Variants in GOLGA4 observed in about 807,000 individuals in gnomAD.
GOLGA4 encodes the protein golgin subfamily A member 4.
GOLGA4 carries 169 observed loss-of-function variants against 265.9 expected under a neutral mutation model. The ratio of observed to expected loss-of-function variants is 0.64; its 90% CI spans 0.56 to 0.72. The LOEUF is 0.72. Ranked by LOEUF, GOLGA4 falls within the 30% of genes least tolerant of loss-of-function variation. The pLI, the probability that GOLGA4 is intolerant of heterozygous loss-of-function variation, is 0.00. For synonymous variants in GOLGA4, 923 were observed against 855.8 expected (o/e 1.08, Z -1.37); for missense variants, 2,482 against 2,483.4 (o/e 1.00, Z 0.01).
At chr3:37,311,917 T>C (rs1247637297) in intron 10 of GOLGA4, among the ~76,000 whole-genome samples, 1 of 152,228 alleles carries the variant, frequency 6.6e-6, no homozygotes, top group African/African-American at 2.4e-5. Flanking sequence ...TTTTTTGTTG[T>C]TTGAAAAGGT....
chr3:37,344,492 CTTTT>C (rs56761489), intron 20 of GOLGA4, among the ~76,000 whole-genome samples: 6 of 118,204 alleles, frequency 5.1e-5, no homozygotes, highest in Admixed American at 3.6e-4. Flanking sequence ...ACCTCACTGT[CTTTT>C]TTTTTTTTTT....
intron 2 of GOLGA4, chr3:37,276,024 G>A: frequency 6.2e-7 from 1 of 1,612,922 alleles, no homozygotes; most frequent in Non-Finnish European, 8.5e-7. Flanking sequence ...ACTTCCAGCG[G>A]CAATGTAAGC....
chr3:37,349,124 A>G (rs2097065579), intron 21 of GOLGA4, among the ~76,000 whole-genome samples: 1 of 152,174 alleles, frequency 6.6e-6, no homozygotes, highest in Admixed American at 6.5e-5. Flanking sequence ...ATCACATTTT[A>G]TAGGCAAATA....
chr3:37,325,059 T>G lies in GOLGA4; in HGVS notation c.3173T>G (p.Leu1058Arg). Residue 1058 changes from leucine to arginine, a missense_variant, in exon 14 of 24, where the codon CTT (leucine) becomes CGT (arginine). This residue lies in a region of GOLGA4 where 1,536 missense variants were observed against 1,483.7 expected (regional missense o/e 1.04). Coordinates refer to ENST00000361924, the MANE Select transcript of GOLGA4 (RefSeq NM_002078.5). ...EKKLNQQAEE[L>R]QEIHEIQLQE... is the part of the protein sequence containing the mutation. ...AAACTTAATCAGCAAGCTGAAGAAC[T>G]TCAGGAAATACATGAAATCCAATTA... The G allele has an allele frequency of 6.2e-7, 1 of 1,612,872 alleles. No homozygotes were observed. Among genetic ancestry groups the G allele is most frequent in the Non-Finnish European group, 8.5e-7 (1 of 1,179,632 alleles).
chr3:37,348,607 C>T (rs2097063695), intron 21 of GOLGA4, among the ~76,000 whole-genome samples: 1 of 151,912 alleles, frequency 6.6e-6, no homozygotes, highest in African/African-American at 2.4e-5. Flanking sequence ...TTAAAGTTAC[C>T]TTGTTATTGT....
chr3:37,293,144 C>G (rs1441994436), intron 5 of GOLGA4, among the ~76,000 whole-genome samples: 1 of 152,140 alleles, frequency 6.6e-6, no homozygotes, highest in Non-Finnish European at 1.5e-5. Context: ...TAGAGGAGGA[C>G]TTGAGGTAAG....
chr3:37,302,266 CG>C lies in GOLGA4; in HGVS notation c.1169del (p.Arg390ProfsTer5). The part of the protein sequence containing the change: ...KEEEIAQLRS[R>X]IKQMTTQGEE... ...AGAAGAAATTGCTCAACTCCGTAGT[CG>C]CATCAAACAGATGACTACCCAGGGA... On this transcript the variant is annotated frameshift_variant, in exon 10 of 24. Transcript: ENST00000361924. LOFTEE classifies it high-confidence loss of function. 1.2e-6 allele frequency: 2 copies of C among 1,612,664 alleles called. No homozygotes were observed. The highest frequency in any genetic ancestry group is 2.2e-5 in the East Asian group (1 of 44,856).
At position 37,324,349 on chromosome 3, in the gene GOLGA4, G is replaced by C. The variant is rs1232791551; in HGVS notation, c.2463G>C (p.Leu821Phe). The C allele has an allele frequency of 4.3e-6, 7 of 1,614,038 alleles. No individual in the cohort carries two copies. The highest frequency in any genetic ancestry group is 4.5e-5 in the East Asian group (2 of 44,896). The change falls in exon 14 of 24, where the codon TTG becomes TTC. Residue 821 changes from leucine (L) to phenylalanine (F), a missense_variant. Around this residue, in one of 3 missense-constraint regions of GOLGA4, gnomAD observed 1,536 missense variants for 1,483.7 expected, o/e 1.04. Coordinates refer to ENST00000361924, the MANE Select transcript of GOLGA4 (RefSeq NM_002078.5). The part of the protein sequence containing the change: ...HEQTKAYEEQ[L>F]AQLQQKLLDL... Reference sequence around the variant, plus strand: ...AGACAAAAGCATATGAGGAACAGTTGGCCCAATTGCAGCAGAAGTTGTTGG... The same window carrying C: ...AGACAAAAGCATATGAGGAACAGTTCGCCCAATTGCAGCAGAAGTTGTTGG...
At position 37,326,930 on chromosome 3, in the gene GOLGA4, C is replaced by G. The variant is rs774529647; in HGVS notation, c.5044C>G (p.Gln1682Glu). The G allele has an allele frequency of 6.2e-7, 1 of 1,613,662 alleles. No homozygotes were observed. The highest frequency in any genetic ancestry group is 2.2e-5 in the East Asian group (1 of 44,854). Reference sequence around the variant, plus strand: ...TTTGAGTGAGCTAAATACAAAATTGCAGGAAAGAGAAAGGGAAGTTCACAT... The same window carrying G: ...TTTGAGTGAGCTAAATACAAAATTGGAGGAAAGAGAAAGGGAAGTTCACAT... ...SHLSELNTKL[Q>E]EREREVHILE... The change falls in exon 14 of 24, where the codon CAG becomes GAG. Residue 1682 changes from glutamine (Q) to glutamate (E), a missense_variant. By Grantham distance (29) the Gln-to-Glu change is conservative. This residue lies in a region of GOLGA4 where 942 missense variants were observed against 983.1 expected (regional missense o/e 0.96). Transcript: ENST00000361924.
chr3:37,285,193 G>T (rs1322804982), intron 3 of GOLGA4, among the ~76,000 whole-genome samples: 1 of 145,292 alleles, frequency 6.9e-6, no homozygotes, highest in Non-Finnish European at 1.5e-5. Context: ...TAGAGACAAG[G>T]TCTCACTAAA....
intron 18 of GOLGA4, 34 bp downstream of exon 18, chr3:37,337,197 T>C (rs776487668): frequency 1.1e-5 from 13 of 1,181,254 alleles, no homozygotes; most frequent in Middle Eastern, 2.6e-4. Context: ...TTTTTTCTTT[T>C]TTTTCTTTGA....
At chr3:37,246,115 C>T (rs1476264861) in intron 1 of GOLGA4, among the ~76,000 whole-genome samples, 1 of 151,772 alleles carries the variant, frequency 6.6e-6, no homozygotes, top group East Asian at 2.0e-4. Flanking sequence ...CTTTGGGAGG[C>T]CAAGGCGGGC....
At chr3:37,331,394 C>G (rs2150986570) in intron 16 of GOLGA4, among the ~76,000 whole-genome samples, 1 of 152,124 alleles carries the variant, frequency 6.6e-6, no homozygotes, top group East Asian at 1.9e-4. Context: ...ATAGCCAGTC[C>G]CCATCCAGAC....
rs189169271 is a variant in GOLGA4 at position 37,366,181 on chromosome 3, G to C, written c.*135G>C. On this transcript the variant is annotated 3_prime_UTR_variant, in exon 24 of 24. Transcript: ENST00000361924. Reference sequence around the variant, plus strand: ...TCTTTGAGAATGAAGTTGTCATTCAGGGCCCCTCATGTAGCCAAAAGACCA... The same window carrying C: ...TCTTTGAGAATGAAGTTGTCATTCACGGCCCCTCATGTAGCCAAAAGACCA... The C allele has an allele frequency of 1.2e-3, 1,476 of 1,197,614 alleles. 4 individuals carry two copies. The highest frequency in any genetic ancestry group is 2.3e-3 in the South Asian group (144 of 62,856). 74.2% of individuals were successfully genotyped at this position (1,197,614 alleles called of 1,614,324 possible). A position where few individuals can be genotyped will look rare whatever the true frequency, so the allele number is the denominator to read the frequency against.
At chr3:37,365,222 G>A (rs775790141) in intron 23 of GOLGA4, among the ~76,000 whole-genome samples, 11 of 152,054 alleles carry the variant, frequency 7.2e-5, no homozygotes, top group Admixed American at 1.3e-4. Context: ...GCAATTTGTA[G>A]AATAATCAGC....
At chr3:37,294,202 C>A (rs756554281) in intron 5 of GOLGA4, among the ~76,000 whole-genome samples, 1 of 152,076 alleles carries the variant, frequency 6.6e-6, no homozygotes, top group Non-Finnish European at 1.5e-5. Flanking sequence ...ATTGCAGGAA[C>A]TAGAAATTTC....
chr3:37,361,635 T>G (rs1329229526), intron 23 of GOLGA4, among the ~76,000 whole-genome samples: 1 of 152,230 alleles, frequency 6.6e-6, no homozygotes, highest in Admixed American at 6.5e-5. Context: ...CCAAGAATGA[T>G]CTTTGAAATT....
intron 2 of GOLGA4, among the ~76,000 whole-genome samples, chr3:37,260,537 G>C (rs2096766804): frequency 6.6e-6 from 1 of 152,030 alleles, no homozygotes; most frequent in South Asian, 2.1e-4. Flanking sequence ...TCAGGAGGCT[G>C]AGGCGGGAGA....
chr3:37,352,640 C>T (rs374387758), intron 21 of GOLGA4, among the ~76,000 whole-genome samples: 16 of 152,044 alleles, frequency 1.1e-4, no homozygotes, highest in African/African-American at 3.6e-4. Flanking sequence ...TCACTTCCCT[C>T]AGCCTTCATA....
Sources: allele counts gnomAD v4.1 joint callset (sites outside exome capture counted in the v4.1 genomes callset), GRCh38; gene constraint gnomAD v4.1.1; regional missense constraint gnomAD v4.1.1; transcripts MANE v1.5; gene names NCBI Gene and HGNC (gene_info 2026-07-23, HGNC 2026-07-21).